GYPE: variants seen among roughly 807,000 people sequenced by gnomAD.
GYPE encodes glycophorin E (MNS blood group), also known as glycophorin-E.
GYPE carries 8 observed loss-of-function variants against 11.6 expected under a neutral mutation model. That is an observed-to-expected ratio of 0.69 (90% confidence interval 0.41 to 1.25). GYPE has a LOEUF of 1.25. Among genes scored for constraint, GYPE ranks in the 50% most tolerant of loss-of-function variants. GYPE has a pLI of 0.01. For missense variants in GYPE, 90 were observed against 92.8 expected, an observed-to-expected ratio of 0.97 and a Z score of 0.12; for synonymous variants, 28 against 29.6, an observed-to-expected ratio of 0.94 and a Z score of 0.18.
At chr4:143,903,829 C>A (rs1476408130) in intron 1 of GYPE, among the ~76,000 whole-genome samples, 1 of 151,848 alleles carries the variant, frequency 6.6e-6, no homozygotes, top group Non-Finnish European at 1.5e-5. Context: ...ATTTCTTTGC[C>A]AGGAACCCTT....
chr4:143,878,281 G>C (rs1429790838), intron 2 of GYPE, among the ~76,000 whole-genome samples: 3 of 152,046 alleles, frequency 2.0e-5, no homozygotes, highest in Non-Finnish European at 2.9e-5. Flanking sequence ...TGAGACTATA[G>C]GTGCATGCCC....
At chr4:143,879,269 T>C (rs1315901736) in intron 2 of GYPE, among the ~76,000 whole-genome samples, 2 of 152,222 alleles carry the variant, frequency 1.3e-5, no homozygotes, top group African/African-American at 4.8e-5. Flanking sequence ...TGTCTCTGTC[T>C]CCACTTGCCA....
intron 1 of GYPE, among the ~76,000 whole-genome samples, chr4:143,896,599 C>T (rs1351353905): frequency 6.6e-6 from 1 of 152,112 alleles, no homozygotes; most frequent in African/African-American, 2.4e-5. Flanking sequence ...GTCAGTGTGG[C>T]GATTCCTCAG....
rs919845560 is a variant in GYPE at position 143,870,983 on chromosome 4, G to A, written c.*1279C>T. The A allele has an allele frequency of 1.3e-5, 2 of 151,800 alleles. No individual in the cohort carries two copies. Among genetic ancestry groups the A allele is most frequent in the Admixed American group, 1.3e-4 (2 of 15,238 alleles). 9.4% of individuals were successfully genotyped at this position (151,800 alleles called of 1,614,324 possible). On this transcript the variant is annotated 3_prime_UTR_variant, in exon 4 of 4. Transcript: ENST00000358615. The stretch of plus-strand genomic sequence containing the variant: ...AACACATCTTTCTTACATAGTGGCA[G>A]GAAGGAGAAGAATGAGAGCTGAGTG...
rs1743639515 is a variant in GYPE, at chr4:143,872,122, A to G, written c.*140T>C. The G allele has an allele frequency of 6.6e-6, 1 of 152,552 alleles. No individual in the cohort carries two copies. Among genetic ancestry groups the G allele is most frequent in the Non-Finnish European group, 1.5e-5 (1 of 68,028 alleles). The allele number at this position is 152,552 out of a possible 1,614,324, so 9.4% of individuals were successfully genotyped here. On this transcript the variant is annotated 3_prime_UTR_variant, in exon 4 of 4. Transcript: ENST00000358615. ...TAGTTTCTGACTCCTAGAGTCCCTT[A>G]GTAGCCAGTCAACGTAAGCCAAGTT...
At chr4:143,892,026 G>A (rs1015503360) in intron 1 of GYPE, among the ~76,000 whole-genome samples, 2 of 152,060 alleles carry the variant, frequency 1.3e-5, no homozygotes, top group Admixed American at 1.3e-4. Flanking sequence ...ACTTCTTCCT[G>A]GTTTAGTCTT....
intron 1 of GYPE, among the ~76,000 whole-genome samples, chr4:143,903,366 A>G (rs1277986150): frequency 4.0e-5 from 6 of 151,810 alleles, no homozygotes; most frequent in Non-Finnish European, 8.8e-5. Context: ...TGACTGAATC[A>G]TCAAATGAGT....
chr4:143,890,435 A>G (rs546614248), intron 1 of GYPE, among the ~76,000 whole-genome samples: 2 of 152,334 alleles, frequency 1.3e-5, no homozygotes, highest in Non-Finnish European at 2.9e-5. Flanking sequence ...AATAATTTCA[A>G]TTGAAAACAA....
intron 2 of GYPE, chr4:143,878,586 A>G (rs953083127): frequency 6.5e-6 from 3 of 458,646 alleles, no homozygotes; most frequent in South Asian, 3.3e-5. Context: ...GAAACAAGCA[A>G]TGGGATAGTT....
At chr4:143,901,090 C>G (rs1744848176) in intron 1 of GYPE, among the ~76,000 whole-genome samples, 1 of 152,256 alleles carries the variant, frequency 6.6e-6, no homozygotes, top group South Asian at 2.1e-4. Flanking sequence ...CAGAACCTGC[C>G]TATGTACGGA....
rs902305141 is a variant in GYPE at position 143,877,021 on chromosome 4, A to G, written c.137-166T>C. 5.3e-5 allele frequency among the ~76,000 whole-genome samples: 8 copies of G among 152,224 alleles called. 1 individual carries two copies. The highest frequency in any genetic ancestry group is 5.2e-4 in the Admixed American group (8 of 15,280). On this transcript the variant is annotated intron_variant, in intron 2 of 3. Coordinates refer to ENST00000358615, the MANE Select transcript of GYPE (RefSeq NM_198682.3). ...TGTCTTTTTTAAAACTGTGTGCTTT[A>G]CAGTAACCTTGTGGGAAACTGGGAC...
intron 2 of GYPE, among the ~76,000 whole-genome samples, chr4:143,879,014 G>T (rs1296641927): frequency 6.6e-6 from 1 of 152,114 alleles, no homozygotes; most frequent in Non-Finnish European, 1.5e-5. Context: ...TAAAAATAAT[G>T]AGAAGAAAGG....
At chr4:143,901,237 A>G (rs1400307737) in intron 1 of GYPE, among the ~76,000 whole-genome samples, 1 of 152,178 alleles carries the variant, frequency 6.6e-6, no homozygotes, top group African/African-American at 2.4e-5. Context: ...GGTTAGACAG[A>G]AATTCTTAAT....
At chr4:143,890,201 C>T (rs186810192) in intron 1 of GYPE, among the ~76,000 whole-genome samples, 10 of 152,274 alleles carry the variant, frequency 6.6e-5, no homozygotes, top group Admixed American at 2.6e-4. Context: ...ATCCACATTA[C>T]GGAAGAACAG....
At chr4:143,890,493 T>G (rs182427736) in intron 1 of GYPE, among the ~76,000 whole-genome samples, 1 of 152,240 alleles carries the variant, frequency 6.6e-6, no homozygotes, top group Non-Finnish European at 1.5e-5. Context: ...CTTTCTCTGG[T>G]TGAACAATAC....
chr4:143,901,034 T>A (rs974570827), intron 1 of GYPE, among the ~76,000 whole-genome samples: 39 of 152,328 alleles, frequency 2.6e-4, no homozygotes, highest in African/African-American at 8.9e-4. Flanking sequence ...CTTAGAACAG[T>A]GCATGGCACA....
chr4:143,873,457 A>C lies in GYPE; in HGVS notation c.*10-1205T>G, dbSNP rs1357002789. 4 of 455,764 alleles carry C rather than the reference A, an allele frequency of 8.8e-6. No homozygotes were observed. In the East Asian group the frequency reaches 2.8e-4, roughly 32 times the overall value. The allele number at this position is 455,764 out of a possible 1,614,324, so 28.2% of individuals were successfully genotyped here. The stretch of plus-strand genomic sequence containing the variant: ...TTATTTGCTTTTGTCAGAGCAAATT[A>C]TGTTACCAATAACACAACCTACAAG... On this transcript the variant is annotated intron_variant, in intron 3 of 3. Coordinates refer to ENST00000358615, the MANE Select transcript of GYPE (RefSeq NM_198682.3).
chr4:143,886,372 T>A (rs62338493), intron 1 of GYPE, among the ~76,000 whole-genome samples: 2 of 136,606 alleles, frequency 1.5e-5, no homozygotes, highest in South Asian at 2.5e-4. Flanking sequence ...ATCCTCAAAT[T>A]CTAAAGCTTC....
chr4:143,905,470 C>T lies in GYPE; in HGVS notation c.37+1G>A, dbSNP rs761917317. The T allele has an allele frequency of 9.9e-6, 16 of 1,613,004 alleles. No individual in the cohort carries two copies. The South Asian group carries it at 1.6e-4, about 17-fold the overall frequency. ...AACCAAGATGAAATAAAATCACTTA[C>T]CTGACAATAGTAATACAAAGATTAT... On this transcript the variant is annotated splice_donor_variant, in intron 1 of 3. Coordinates refer to ENST00000358615, the MANE Select transcript of GYPE (RefSeq NM_198682.3). LOFTEE classifies it high-confidence loss of function.
Sources: gnomAD v4.1 joint callset for allele counts (sites outside exome capture counted in the v4.1 genomes callset) on GRCh38, gnomAD v4.1.1 for gene constraint, MANE v1.5 for transcripts, NCBI Gene and HGNC (gene_info 2026-07-23, HGNC 2026-07-21) for gene names.